ROBO1: variants seen among roughly 807,000 people sequenced by gnomAD.
ROBO1 encodes the protein roundabout homolog 1.
Under a neutral mutation model 195.9 loss-of-function variants are expected in ROBO1, and 149 were observed. The ratio of observed to expected loss-of-function variants is 0.76; its 90% CI spans 0.67 to 0.87. ROBO1 has a LOEUF of 0.87. Ranked by LOEUF, ROBO1 falls within the 40% of genes least tolerant of loss-of-function variation. The probability of loss-of-function intolerance (pLI) is 0.00; values close to 1 mark genes in which losing one functional copy is unlikely to be tolerated. For synonymous variants in ROBO1, 816 were observed against 733.2 expected (o/e 1.11, Z -1.82); for missense variants, 1,933 against 2,068.3 (o/e 0.93, Z 1.27).
intron 2 of ROBO1, among the ~76,000 whole-genome samples, chr3:79,441,432 C>A (rs1033957953): frequency 3.3e-5 from 5 of 152,194 alleles, no homozygotes; most frequent in Admixed American, 6.6e-5. Flanking sequence ...ATTAGCATTT[C>A]TTGCCATCAT....
At chr3:78,838,924 G>A (rs1270695399) in intron 4 of ROBO1, among the ~76,000 whole-genome samples, 1 of 152,118 alleles carries the variant, frequency 6.6e-6, no homozygotes, top group Admixed American at 6.5e-5. Context: ...GGCACTCCTT[G>A]ACTAAATCTA....
intron 23 of ROBO1, chr3:78,634,527 A>G (rs1279346085): frequency 2.8e-6 from 1 of 353,804 alleles, no homozygotes; most frequent in South Asian, 2.2e-5. Context: ...TTATGGTCTG[A>G]CATACCAAAT....
Position 79,317,223 on chromosome 3 carries a change from T to A in ROBO1, c.89-191684A>T, listed in dbSNP as rs370479019. Among the ~76,000 whole-genome samples, 79 of 152,212 alleles carry A rather than the reference T, an allele frequency of 5.2e-4. 2 individuals carry two copies. The South Asian group carries it at 6.4e-3, about 12-fold the overall frequency. ...GTTAAGAATGCCACCAATCTCCAAT[T>A]TAAACCAAAAAATATTATTTCTATT... On this transcript the variant is annotated intron_variant, in intron 2 of 30. Transcript: ENST00000464233.
intron 2 of ROBO1, among the ~76,000 whole-genome samples, chr3:79,587,838 A>G (rs1318847972): frequency 6.6e-6 from 1 of 151,726 alleles, no homozygotes; most frequent in East Asian, 1.9e-4. Context: ...TTTTCTCCCT[A>G]GCCTGAAGCC....
chr3:79,176,265 G>A (rs1444761817), intron 2 of ROBO1, among the ~76,000 whole-genome samples: 1 of 152,128 alleles, frequency 6.6e-6, no homozygotes, highest in Non-Finnish European at 1.5e-5. Context: ...TAAAGGTAAA[G>A]CTTCAGAAGA....
chr3:78,720,713 G>C (rs141620922), intron 5 of ROBO1, among the ~76,000 whole-genome samples: 1,691 of 152,310 alleles, frequency 0.011, 13 homozygotes, highest in Non-Finnish European at 0.017. Flanking sequence ...ATCAATGATA[G>C]ACTGGATTAA....
At position 78,642,458 on chromosome 3, in the gene ROBO1, C is replaced by T. The variant is rs564732075; in HGVS notation, c.2883-2560G>A. Among the ~76,000 whole-genome samples the T allele has an allele frequency of 2.6e-5, 4 of 152,270 alleles. No homozygotes were observed. The East Asian group carries it at 7.7e-4, about 29-fold the overall frequency. ...ATTGAATGAGCTATAAAGCCAAGGG[C>T]TAGATCTCAGAATTGCCAATATTTT... On this transcript the variant is annotated intron_variant, in intron 21 of 30. Coordinates refer to ENST00000464233, the MANE Select transcript of ROBO1 (RefSeq NM_002941.4).
intron 1 of ROBO1, among the ~76,000 whole-genome samples, chr3:79,735,128 A>G (rs1389578354): frequency 1.3e-5 from 2 of 152,244 alleles, no homozygotes; most frequent in Non-Finnish European, 2.9e-5. Flanking sequence ...CTTCTGCATC[A>G]TCTGGAAGAA....
intron 2 of ROBO1, among the ~76,000 whole-genome samples, chr3:79,307,923 T>C (rs949891163): frequency 1.3e-5 from 2 of 152,180 alleles, no homozygotes; most frequent in African/African-American, 4.8e-5. Flanking sequence ...AAAAACCTTA[T>C]ATTTGGAATC....
chr3:78,862,201 G>T (rs1215796848), intron 4 of ROBO1, among the ~76,000 whole-genome samples: 1 of 152,088 alleles, frequency 6.6e-6, no homozygotes, highest in African/African-American at 2.4e-5. Context: ...GGCTCTAAGT[G>T]TGACAGACTC....
At chr3:79,496,065 T>C (rs1330299688) in intron 2 of ROBO1, among the ~76,000 whole-genome samples, 1 of 151,526 alleles carries the variant, frequency 6.6e-6, no homozygotes, top group East Asian at 2.0e-4. Context: ...ATACAAATAT[T>C]AGCCAGGTGT....
intron 2 of ROBO1, among the ~76,000 whole-genome samples, chr3:79,374,844 T>TG (rs1322455619): frequency 6.6e-6 from 1 of 151,950 alleles, no homozygotes; most frequent in Non-Finnish European, 1.5e-5. Context: ...TATTCCATTT[T>TG]TTTCTAATTC....
intron 2 of ROBO1, among the ~76,000 whole-genome samples, chr3:79,278,800 T>C (rs1313343330): frequency 6.6e-6 from 1 of 151,946 alleles, no homozygotes; most frequent in Non-Finnish European, 1.5e-5. Flanking sequence ...ATGAATAAGA[T>C]CTCAAAAGCA....
chr3:79,038,992 G>C (rs2078432027), intron 3 of ROBO1, among the ~76,000 whole-genome samples: 1 of 152,144 alleles, frequency 6.6e-6, no homozygotes, highest in Admixed American at 6.5e-5. Context: ...GCATTCCTCT[G>C]TTAGCAGATA....
At chr3:78,936,810 C>A (rs964869391) in intron 4 of ROBO1, among the ~76,000 whole-genome samples, 2 of 151,836 alleles carry the variant, frequency 1.3e-5, no homozygotes, top group South Asian at 4.1e-4. Context: ...ATAAATAGGT[C>A]GAACATTTAA....
intron 2 of ROBO1, among the ~76,000 whole-genome samples, chr3:79,470,004 T>C (rs968416923): frequency 1.3e-5 from 2 of 152,160 alleles, no homozygotes; most frequent in Non-Finnish European, 2.9e-5. Context: ...AACTGTTAAA[T>C]ATATTTTTTT....
intron 4 of ROBO1, among the ~76,000 whole-genome samples, chr3:78,834,672 T>A (rs1344909909): frequency 2.0e-5 from 3 of 152,040 alleles, no homozygotes; most frequent in Admixed American, 2.0e-4. Flanking sequence ...TATTGCTAAA[T>A]CTACTGACAA....
Position 79,145,401 on chromosome 3 carries a change from A to T in ROBO1, c.89-19862T>A, listed in dbSNP as rs1342756021. 5.9e-5 allele frequency among the ~76,000 whole-genome samples: 9 copies of T among 151,392 alleles called. No individual in the cohort carries two copies. In the East Asian group the frequency reaches 1.8e-3, roughly 30 times the overall value. On this transcript the variant is annotated intron_variant, in intron 2 of 30. Transcript: ENST00000464233. ...CACACACACACACACACACACACACACACAGACATAAATAACAGTCATCCT... is the reference window on the plus strand; with the variant it reads ...CACACACACACACACACACACACACTCACAGACATAAATAACAGTCATCCT...
chr3:79,562,821 C>A (rs1447236194), intron 2 of ROBO1, among the ~76,000 whole-genome samples: 1 of 151,738 alleles, frequency 6.6e-6, no homozygotes, highest in East Asian at 1.9e-4. Context: ...ATTCAAAAAC[C>A]AAAGCAAATG....
Sources: gnomAD v4.1 joint callset for allele counts (sites outside exome capture counted in the v4.1 genomes callset) on GRCh38, gnomAD v4.1.1 for gene constraint, MANE v1.5 for transcripts, NCBI Gene and HGNC (gene_info 2026-07-23, HGNC 2026-07-21) for gene names.